Variants in CRIM1 observed in about 807,000 individuals in gnomAD.
The protein encoded by CRIM1 is cysteine rich transmembrane BMP regulator 1, also known as cysteine-rich motor neuron 1 protein.
CRIM1 carries 32 observed loss-of-function variants against 116.4 expected under a neutral mutation model. That is an observed-to-expected ratio of 0.27 (90% confidence interval 0.21 to 0.37). CRIM1 has a LOEUF of 0.37. Ranked by LOEUF, CRIM1 falls within the 10% of genes least tolerant of loss-of-function variation. The pLI, the probability that CRIM1 is intolerant of heterozygous loss-of-function variation, is 1.00. For synonymous variants in CRIM1, 590 were observed against 509.2 expected, an observed-to-expected ratio of 1.16 and a Z score of -2.13; for missense variants, 1,331 against 1,354.8, an observed-to-expected ratio of 0.98 and a Z score of 0.28.
intron 2 of CRIM1, among the ~76,000 whole-genome samples, chr2:36,424,166 A>G (rs1435557361): frequency 2.0e-5 from 3 of 152,236 alleles, no homozygotes; most frequent in African/African-American, 4.8e-5. Context: ...CCCTGATATA[A>G]GTGTAAATAA....
At position 36,356,877 on chromosome 2, in the gene CRIM1, C is replaced by G. The variant is rs1002572293; in HGVS notation, c.331+254C>G. ...AGCGAGTGGAGGATCGCCCCTGTCC[C>G]CGCGCAGACGCGCACACGTGTGGCC... On this transcript the variant is annotated intron_variant, in intron 1 of 16. Coordinates refer to ENST00000280527, the MANE Select transcript of CRIM1 (RefSeq NM_016441.3). This position sits in a 1 kb window ranked among gnomAD's most constrained non-coding sequence, Gnocchi z 4.3. Among the ~76,000 whole-genome samples, 2 of 152,148 alleles carry G rather than the reference C, an allele frequency of 1.3e-5. No homozygotes were observed. The highest frequency in any genetic ancestry group is 2.4e-5 in the African/African-American group (1 of 41,442).
chr2:36,364,017 C>G (rs1669425194), intron 1 of CRIM1, among the ~76,000 whole-genome samples: 1 of 152,186 alleles, frequency 6.6e-6, no homozygotes, highest in South Asian at 2.1e-4. Context: ...TGTCTCTGTG[C>G]TTTACAGTAG....
intron 2 of CRIM1, among the ~76,000 whole-genome samples, chr2:36,404,766 A>G (rs1001785461): frequency 1.6e-4 from 24 of 152,214 alleles, no homozygotes; most frequent in Admixed American, 7.2e-4. Context: ...TTTTACACAA[A>G]GACTTCTGTT....
intron 8 of CRIM1, among the ~76,000 whole-genome samples, chr2:36,505,861 T>G (rs1251105328): frequency 2.0e-5 from 3 of 152,178 alleles, no homozygotes; most frequent in African/African-American, 7.2e-5. Context: ...AAGGAGCACC[T>G]CCTTCTGCCA....
chr2:36,380,651 A>G (rs2148333682), intron 1 of CRIM1, among the ~76,000 whole-genome samples: 1 of 152,328 alleles, frequency 6.6e-6, no homozygotes, highest in East Asian at 1.9e-4. Flanking sequence ...CAGTATTGCA[A>G]GGGGAAGATT....
rs1558393153 is a variant in CRIM1, at chr2:36,517,518, G to A, written c.2182G>A (p.Asp728Asn). Residue 728 changes from aspartate (D) to asparagine (N), a missense_variant, in exon 12 of 17, where the codon GAT becomes AAT. Transcript: ENST00000280527. ...LLCQNPSRTQ[D>N]SCCPQCTDQP... ...CTGCCAGAACCCCTCACGCACCCAG[G>A]ATTCCTGCTGCCCACAGTGTACAGG... The A allele has an allele frequency of 1.2e-6, 2 of 1,613,844 alleles. No individual in the cohort carries two copies. Among genetic ancestry groups the A allele is most frequent in the Admixed American group, 1.7e-5 (1 of 60,032 alleles).
At chr2:36,431,026 A>G (rs1432899625) in intron 2 of CRIM1, among the ~76,000 whole-genome samples, 3 of 152,214 alleles carry the variant, frequency 2.0e-5, no homozygotes, top group Non-Finnish European at 4.4e-5. Context: ...ACAGAGAAAC[A>G]GCACTTGAGA....
At chr2:36,361,278 T>TC (rs1669206434) in intron 1 of CRIM1, among the ~76,000 whole-genome samples, 2 of 152,164 alleles carry the variant, frequency 1.3e-5, no homozygotes, top group Admixed American at 1.3e-4. Flanking sequence ...CAGGAAAATC[T>TC]CCAAGCAAGA....
intron 2 of CRIM1, among the ~76,000 whole-genome samples, chr2:36,428,765 C>G (rs149838940): frequency 6.6e-6 from 1 of 152,328 alleles, no homozygotes; most frequent in African/African-American, 2.4e-5. Context: ...TACATTCGCT[C>G]TTAAGGCAAA....
At chr2:36,478,407 A>G (rs1252358114) in intron 6 of CRIM1, among the ~76,000 whole-genome samples, 1 of 152,212 alleles carries the variant, frequency 6.6e-6, no homozygotes, top group Non-Finnish European at 1.5e-5. Flanking sequence ...CTGTGTAGTC[A>G]TCATACTGAG....
chr2:36,419,843 A>G (rs1237183286), intron 2 of CRIM1, among the ~76,000 whole-genome samples: 3 of 152,226 alleles, frequency 2.0e-5, no homozygotes, highest in Non-Finnish European at 4.4e-5. Flanking sequence ...GGTTATATAC[A>G]GTGGTCATCA....
At chr2:36,403,331 G>T (rs1437211073) in intron 2 of CRIM1, among the ~76,000 whole-genome samples, 1 of 152,298 alleles carries the variant, frequency 6.6e-6, no homozygotes, top group African/African-American at 2.4e-5. Flanking sequence ...ATTTTTGGCT[G>T]TTTTGAATTA....
chr2:36,475,035 T>C (rs1202003074), intron 5 of CRIM1, among the ~76,000 whole-genome samples: 1 of 152,020 alleles, frequency 6.6e-6, no homozygotes, highest in East Asian at 1.9e-4. Context: ...GAAGTAGGAG[T>C]TCTCTAACTT....
rs1359190935 is a variant in CRIM1 at position 36,550,595 on chromosome 2, CATTTTTTT to C, written c.*1895_*1902del. The stretch of plus-strand genomic sequence containing the variant: ...CTAATTTATTAATCTGAAGATTAAC[CATTTTTTT>C]GTCTTAGAATATCAAAAAGAAAAAG... On this transcript the variant is annotated 3_prime_UTR_variant, in exon 17 of 17. Coordinates refer to ENST00000280527, the MANE Select transcript of CRIM1 (RefSeq NM_016441.3). The C allele has an allele frequency of 6.6e-6, 1 of 152,174 alleles. No individual in the cohort carries two copies. Among genetic ancestry groups the C allele is most frequent in the African/African-American group, 2.4e-5 (1 of 41,328 alleles). The allele number at this position is 152,174 out of a possible 1,614,324, so 9.4% of individuals were successfully genotyped here.
intron 6 of CRIM1, among the ~76,000 whole-genome samples, chr2:36,478,243 A>G (rs1342029460): frequency 2.0e-5 from 3 of 152,208 alleles, no homozygotes; most frequent in African/African-American, 7.2e-5. Flanking sequence ...AACATAGGAG[A>G]AAAGTAGTTT....
chr2:36,370,624 A>AT (rs1177115000), intron 1 of CRIM1, among the ~76,000 whole-genome samples: 1 of 152,198 alleles, frequency 6.6e-6, no homozygotes, highest in Non-Finnish European at 1.5e-5. Flanking sequence ...AGGTTATTAT[A>AT]TTTTTAAAAT....
chr2:36,517,918 A>G (rs1269264464), intron 12 of CRIM1, among the ~76,000 whole-genome samples: 1 of 152,252 alleles, frequency 6.6e-6, no homozygotes, highest in East Asian at 1.9e-4. Flanking sequence ...TGAGAAGAAT[A>G]GTTATTTATA....
intron 7 of CRIM1, among the ~76,000 whole-genome samples, chr2:36,482,838 C>T (rs533890366): frequency 1.4e-4 from 22 of 152,258 alleles, no homozygotes; most frequent in East Asian, 5.8e-4. Context: ...CTAAATATGG[C>T]GTGTTAGGAC....
intron 4 of CRIM1, among the ~76,000 whole-genome samples, chr2:36,453,354 C>T (rs900857561): frequency 9.2e-5 from 14 of 152,166 alleles, no homozygotes; most frequent in South Asian, 4.1e-4. Flanking sequence ...AGTTATATGT[C>T]ATGGCTCTTA....
Sources: gnomAD v4.1 joint callset for allele counts (sites outside exome capture counted in the v4.1 genomes callset) on GRCh38, gnomAD v4.1.1 for gene constraint, Gnocchi (gnomAD v3.1) non-coding constraint, MANE v1.5 for transcripts, NCBI Gene and HGNC (gene_info 2026-07-23, HGNC 2026-07-21) for gene names.